PBX3: variants seen among roughly 807,000 people sequenced by gnomAD.
The protein encoded by PBX3 is PBX homeobox 3, also known as pre-B-cell leukemia transcription factor 3.
In PBX3, 14 loss-of-function variants were observed where a neutral mutation model predicts 48.5. The ratio of observed to expected loss-of-function variants is 0.29; its 90% CI spans 0.19 to 0.45. The LOEUF (loss-of-function observed/expected upper bound fraction) is 0.45, where lower values mean the gene tolerates loss of function less well. Ranked by LOEUF, PBX3 falls within the 20% of genes least tolerant of loss-of-function variation. The pLI is 1.00. For missense variants in PBX3, 386 were observed against 546.7 expected (o/e 0.71, Z 2.93); for synonymous variants, 210 against 200.3 (o/e 1.05, Z -0.41).
intron 2 of PBX3, among the ~76,000 whole-genome samples, chr9:125,879,378 G>A (rs1321959495): frequency 6.6e-6 from 1 of 151,780 alleles, no homozygotes; most frequent in East Asian, 1.9e-4. Context: ...ACCGTGCCCG[G>A]CCAAAGACAT....
intron 2 of PBX3, among the ~76,000 whole-genome samples, chr9:125,903,844 C>G (rs1310034339): frequency 6.6e-6 from 1 of 151,840 alleles, no homozygotes; most frequent in African/African-American, 2.4e-5. Context: ...AGAGTTAGTT[C>G]AGACTGTAAA....
rs1249191870 is a variant in PBX3, at chr9:125,825,520, G to A, written c.274+76897G>A. Among the ~76,000 whole-genome samples, 3 of 149,596 alleles carry A rather than the reference G, an allele frequency of 2.0e-5. No homozygotes were observed. The East Asian group carries it at 5.8e-4, about 29-fold the overall frequency. ...TTTTTAACAAATTCTTTAATGTCTG[G>A]CTTCAACAGCTGTTTTCTCATATTT... On this transcript the variant is annotated intron_variant, in intron 2 of 8. Transcript: ENST00000373489.
intron 2 of PBX3, among the ~76,000 whole-genome samples, chr9:125,915,258 CAGAG>C (rs1443791993): frequency 1.3e-5 from 2 of 152,124 alleles, no homozygotes; most frequent in Admixed American, 6.5e-5. Context: ...TCCAACTGTA[CAGAG>C]AGAGACAGAA....
intron 2 of PBX3, among the ~76,000 whole-genome samples, chr9:125,768,510 T>C (rs1392290171): frequency 6.6e-6 from 1 of 152,238 alleles, no homozygotes; most frequent in Non-Finnish European, 1.5e-5. Flanking sequence ...ATAACATTAT[T>C]ACAATTATCA....
chr9:125,777,587 C>G (rs1293946416), intron 2 of PBX3, among the ~76,000 whole-genome samples: 1 of 150,732 alleles, frequency 6.6e-6, no homozygotes, highest in Non-Finnish European at 1.5e-5. Context: ...TGGTCGCAAA[C>G]TCCTGAGCTC....
chr9:125,775,809 A>G (rs1182742334), intron 2 of PBX3, among the ~76,000 whole-genome samples: 2 of 152,200 alleles, frequency 1.3e-5, no homozygotes, highest in Non-Finnish European at 2.9e-5. Flanking sequence ...GAATTTGTAC[A>G]TTGTTTTGGG....
intron 2 of PBX3, among the ~76,000 whole-genome samples, chr9:125,780,303 A>G (rs1306614344): frequency 2.4e-5 from 3 of 123,650 alleles, no homozygotes; most frequent in Non-Finnish European, 5.1e-5. Flanking sequence ...CTCACTTCCC[A>G]GTAGGGGCGG....
At chr9:125,949,434 T>G (rs1174506793) in intron 5 of PBX3, 1 of 1,550,700 alleles carries the variant, frequency 6.4e-7, no homozygotes, top group Non-Finnish European at 8.7e-7. Flanking sequence ...TCCAGCCAAC[T>G]AGCGTGGTAA....
At chr9:125,833,717 C>T (rs1469265985) in intron 2 of PBX3, among the ~76,000 whole-genome samples, 2 of 151,998 alleles carry the variant, frequency 1.3e-5, no homozygotes, top group Admixed American at 6.6e-5. Flanking sequence ...AATATGATTT[C>T]GTTCAAAGGA....
intron 2 of PBX3, among the ~76,000 whole-genome samples, chr9:125,850,225 T>C (rs1056054947): frequency 4.6e-5 from 7 of 152,082 alleles, no homozygotes; most frequent in African/African-American, 1.7e-4. Context: ...ATTTTTGTTC[T>C]TATACCATCT....
At chr9:125,806,439 G>A (rs1838127260) in intron 2 of PBX3, among the ~76,000 whole-genome samples, 1 of 152,180 alleles carries the variant, frequency 6.6e-6, no homozygotes, top group African/African-American at 2.4e-5. Flanking sequence ...ATGCTGCCAG[G>A]TTCGGTGTCT....
At chr9:125,771,283 A>G (rs1836934712) in intron 2 of PBX3, among the ~76,000 whole-genome samples, 1 of 152,216 alleles carries the variant, frequency 6.6e-6, no homozygotes, top group African/African-American at 2.4e-5. Flanking sequence ...TATCTTTGCA[A>G]CTGTCAAACA....
At chr9:125,876,609 G>A (rs1840253356) in intron 2 of PBX3, among the ~76,000 whole-genome samples, 1 of 152,030 alleles carries the variant, frequency 6.6e-6, no homozygotes, top group Non-Finnish European at 1.5e-5. Flanking sequence ...GGTGTTAATC[G>A]ACTGTTTCTG....
intron 2 of PBX3, among the ~76,000 whole-genome samples, chr9:125,760,619 T>C (rs2131973635): frequency 6.6e-6 from 1 of 152,342 alleles, no homozygotes; most frequent in East Asian, 1.9e-4. Context: ...ATAGTTTTAC[T>C]TGGATAGTAA....
intron 2 of PBX3, among the ~76,000 whole-genome samples, chr9:125,882,911 G>A (rs555634207): frequency 2.0e-5 from 3 of 152,184 alleles, no homozygotes; most frequent in Non-Finnish European, 4.4e-5. Context: ...TTGAAAAGTT[G>A]TTGTTTTAGA....
intron 2 of PBX3, among the ~76,000 whole-genome samples, chr9:125,761,734 C>T (rs1228589795): frequency 6.6e-6 from 1 of 151,936 alleles, no homozygotes; most frequent in Admixed American, 6.6e-5. Context: ...AAGTAAATAC[C>T]ATTTCTGTAG....
chr9:125,932,887 G>C (rs1386123862), intron 4 of PBX3, among the ~76,000 whole-genome samples: 1 of 152,186 alleles, frequency 6.6e-6, no homozygotes, highest in African/African-American at 2.4e-5. Flanking sequence ...GCTTGGAGCA[G>C]AGTCTCTTCT....
chr9:125,897,042 CT>C (rs34037091), intron 2 of PBX3, among the ~76,000 whole-genome samples: 3,011 of 150,960 alleles, frequency 0.02, 169 homozygotes, highest in East Asian at 0.17. Flanking sequence ...AAATATATAT[CT>C]AAATGCTATT....
chr9:125,849,409 G>A (rs1839516935), intron 2 of PBX3, among the ~76,000 whole-genome samples: 1 of 151,764 alleles, frequency 6.6e-6, no homozygotes, highest in African/African-American at 2.4e-5. Context: ...AGTTTGTTAG[G>A]CAGAAGAAGG....
Sources: allele counts gnomAD v4.1 joint callset (sites outside exome capture counted in the v4.1 genomes callset), GRCh38; gene constraint gnomAD v4.1.1; transcripts MANE v1.5; gene names NCBI Gene and HGNC (gene_info 2026-07-23, HGNC 2026-07-21).